The following GLYR1 variants were observed in gnomAD, a reference collection of about 807,000 sequenced individuals.
The protein encoded by GLYR1 is glyoxylate reductase 1 homolog, also known as cytokine-like nuclear factor N-PAC.
GLYR1 carries 21 observed loss-of-function variants against 72.7 expected under a neutral mutation model. The observed-to-expected ratio is 0.29, with a 90% CI of 0.20 to 0.42. The LOEUF is 0.42. Ranked by LOEUF, GLYR1 falls within the 10% of genes least tolerant of loss-of-function variation. The pLI is 1.00. For synonymous variants in GLYR1, 392 were observed against 270.2 expected, an observed-to-expected ratio of 1.45 and a Z score of -4.42; for missense variants, 594 against 712.1, an observed-to-expected ratio of 0.83 and a Z score of 1.89.
At chr16:4,829,147 C>G (rs2084623358) in intron 5 of GLYR1, among the ~76,000 whole-genome samples, 1 of 152,018 alleles carries the variant, frequency 6.6e-6, no homozygotes, top group Non-Finnish European at 1.5e-5. Flanking sequence ...CTTGCTCTCA[C>G]CACTCCCTCA....
chr16:4,825,159 A>G (rs1055817239), intron 5 of GLYR1, among the ~76,000 whole-genome samples: 1 of 152,204 alleles, frequency 6.6e-6, no homozygotes, highest in Admixed American at 6.5e-5. Flanking sequence ...CAATCAGATT[A>G]TGATGCTTCT....
At chr16:4,811,592 A>C (rs374896672) in intron 14 of GLYR1, 31 bp downstream of exon 14, 2 of 1,611,678 alleles carry the variant, frequency 1.2e-6, no homozygotes, top group African/African-American at 1.3e-5. Context: ...TCAAACACCA[A>C]ATGCAAGAAG....
At chr16:4,817,547 G>C in intron 10 of GLYR1, 51 bp downstream of exon 10, 1 of 1,105,470 alleles carries the variant, frequency 9.0e-7, no homozygotes, top group Non-Finnish European at 1.4e-6. Flanking sequence ...TCCACTCTTA[G>C]GGTTACCCCA....
In GLYR1 at chr16:4,805,148, C is replaced by T. The variant is rs891964556; in HGVS notation, c.*88G>A. The T allele has an allele frequency of 5.6e-6, 6 of 1,078,142 alleles. No individual in the cohort carries two copies. The Admixed American group carries it at 5.7e-5, about 10-fold the overall frequency. 66.8% of individuals were successfully genotyped at this position (1,078,142 alleles called of 1,614,324 possible). A position where few individuals can be genotyped will look rare whatever the true frequency, so the allele number is the denominator to read the frequency against. On this transcript the variant is annotated 3_prime_UTR_variant, in exon 16 of 16. Coordinates refer to ENST00000321919, the MANE Select transcript of GLYR1 (RefSeq NM_032569.4). ...AGGAAATGGAGATAGGTGGGCTGGT[C>T]CAGAATGAACTCCCAGGCCCCCGAC...
intron 7 of GLYR1, among the ~76,000 whole-genome samples, chr16:4,822,036 T>C (rs1250802703): frequency 6.6e-6 from 1 of 152,268 alleles, no homozygotes; most frequent in Non-Finnish European, 1.5e-5. Flanking sequence ...GTTTGGTTTC[T>C]GCCCTAAACT....
chr16:4,845,241 G>T, intron 2 of GLYR1, 88 bp from the exon 3 acceptor site: 1 of 837,934 alleles, frequency 1.2e-6, no homozygotes, highest in African/African-American at 1.7e-5. Flanking sequence ...GTTCTACGTT[G>T]CTAAGAAAAA....
At chr16:4,818,149 C>T (rs1230108555) in intron 9 of GLYR1, among the ~76,000 whole-genome samples, 6 of 152,174 alleles carry the variant, frequency 3.9e-5, no homozygotes, top group Non-Finnish European at 8.8e-5. Flanking sequence ...CGCACGCCAC[C>T]ATGCCCAGCT....
In GLYR1 at chr16:4,805,149, C is replaced by A; in HGVS notation, c.*87G>T. 1 of 1,092,972 alleles carries A rather than the reference C, an allele frequency of 9.1e-7. No homozygotes were observed. Among genetic ancestry groups the A allele is most frequent in the Non-Finnish European group, 1.4e-6 (1 of 716,444 alleles). The allele number at this position is 1,092,972 out of a possible 1,614,324, so 67.7% of individuals were successfully genotyped here. A position where few individuals can be genotyped will look rare whatever the true frequency, so the allele number is the denominator to read the frequency against. On this transcript the variant is annotated 3_prime_UTR_variant, in exon 16 of 16. Coordinates refer to ENST00000321919, the MANE Select transcript of GLYR1 (RefSeq NM_032569.4). ...GGAAATGGAGATAGGTGGGCTGGTC[C>A]AGAATGAACTCCCAGGCCCCCGACC...
chr16:4,814,770 G>A lies in GLYR1; in HGVS notation c.907-123C>T, dbSNP rs940531746. On this transcript the variant is annotated intron_variant, in intron 10 of 15. Coordinates refer to ENST00000321919, the MANE Select transcript of GLYR1 (RefSeq NM_032569.4). ...CCAAGGCAGGAGGCTGAGGCCGGGA[G>A]CCTGGGTCATGGAGATAGGAGCCCA... is the stretch of plus-strand genomic sequence containing the variant. The A allele has an allele frequency of 6.6e-6, 5 of 754,224 alleles. No individual in the cohort carries two copies. The African/African-American group carries it at 8.7e-5, about 13-fold the overall frequency. 46.7% of individuals were successfully genotyped at this position (754,224 alleles called of 1,614,324 possible). A position where few individuals can be genotyped will look rare whatever the true frequency, so the allele number is the denominator to read the frequency against.
intron 3 of GLYR1, chr16:4,839,679 C>G (rs957184384): frequency 4.6e-5 from 7 of 152,172 alleles, no homozygotes; most frequent in African/African-American, 1.7e-4. Flanking sequence ...CTGGCCCTCT[C>G]CTAACAGTGG....
chr16:4,835,923 G>C (rs1293693684), intron 3 of GLYR1, among the ~76,000 whole-genome samples: 1 of 152,128 alleles, frequency 6.6e-6, no homozygotes, highest in Non-Finnish European at 1.5e-5. Context: ...TTGGCTATCT[G>C]AATACAATTT....
intron 10 of GLYR1, among the ~76,000 whole-genome samples, 164 bp downstream of exon 10, chr16:4,817,434 T>C (rs551520159): frequency 2.6e-5 from 4 of 152,122 alleles, no homozygotes; most frequent in Admixed American, 6.6e-5. Context: ...TTAGGTTTTA[T>C]AATAACATCC....
intron 5 of GLYR1, among the ~76,000 whole-genome samples, chr16:4,825,338 G>C (rs1355029832): frequency 2.0e-5 from 3 of 152,058 alleles, no homozygotes; most frequent in Non-Finnish European, 4.4e-5. Flanking sequence ...TTAGCACCCT[G>C]CTGGCTTTCC....
chr16:4,819,651 C>T (rs763946378), intron 9 of GLYR1, among the ~76,000 whole-genome samples: 23 of 152,254 alleles, frequency 1.5e-4, no homozygotes, highest in South Asian at 4.1e-4. Context: ...TGGATGTCCC[C>T]GGCAGCTCCT....
At chr16:4,818,896 C>G (rs902062043) in intron 9 of GLYR1, among the ~76,000 whole-genome samples, 1 of 152,142 alleles carries the variant, frequency 6.6e-6, no homozygotes, top group Non-Finnish European at 1.5e-5. Context: ...TCCACAGGTC[C>G]TTCCCAATCC....
chr16:4,805,390 G>T, intron 15 of GLYR1, 80 bp from the exon 16 acceptor site: 1 of 1,229,408 alleles, frequency 8.1e-7, no homozygotes. Flanking sequence ...AGGCAGTGGT[G>T]GATGTGGCCA....
At chr16:4,809,413 C>A (rs541723910) in intron 15 of GLYR1, among the ~76,000 whole-genome samples, 11 of 150,860 alleles carry the variant, frequency 7.3e-5, no homozygotes, top group Non-Finnish European at 1.5e-4. Context: ...GAGAATGAGA[C>A]CATCCTGGCT....
intron 3 of GLYR1, among the ~76,000 whole-genome samples, chr16:4,838,285 C>T (rs2085295006): frequency 6.6e-6 from 1 of 152,176 alleles, no homozygotes; most frequent in Non-Finnish European, 1.5e-5. Flanking sequence ...ACTCAGACAC[C>T]TCACATCCAG....
rs1006937588 is a variant in GLYR1 at position 4,817,223 on chromosome 16, C to A, written c.906+375G>T. On this transcript the variant is annotated intron_variant, in intron 10 of 15. Coordinates refer to ENST00000321919, the MANE Select transcript of GLYR1 (RefSeq NM_032569.4). ...CAAGCTCTGCCTCCCGGGTTCATGC[C>A]ATTCTCCTGCCTCAGCCTCTGGAGC... Among the ~76,000 whole-genome samples, 5 of 151,634 alleles carry A rather than the reference C, an allele frequency of 3.3e-5. No individual in the cohort carries two copies. In the East Asian group the frequency reaches 9.8e-4, roughly 30 times the overall value.
Sources: gnomAD v4.1 joint callset for allele counts (sites outside exome capture counted in the v4.1 genomes callset) on GRCh38, gnomAD v4.1.1 for gene constraint, MANE v1.5 for transcripts, NCBI Gene and HGNC (gene_info 2026-07-23, HGNC 2026-07-21) for gene names.